The following SAMD8 variants were observed in gnomAD, a reference collection of about 807,000 sequenced individuals.
SAMD8 encodes the protein sphingomyelin synthase-related protein 1.
Under a neutral mutation model 42.0 loss-of-function variants are expected in SAMD8, and 20 were observed. That is an observed-to-expected ratio of 0.48 (90% CI 0.34 to 0.69). SAMD8 has a LOEUF of 0.69. Among genes scored for constraint, SAMD8 ranks in the 30% least tolerant of loss-of-function variants. The probability of loss-of-function intolerance (pLI) is 0.01; values close to 1 mark genes in which losing one functional copy is unlikely to be tolerated. For synonymous variants in SAMD8, 162 were observed against 173.0 expected, an observed-to-expected ratio of 0.94 and a Z score of 0.50; for missense variants, 328 against 511.6, an observed-to-expected ratio of 0.64 and a Z score of 3.46.
intron 1 of SAMD8, among the ~76,000 whole-genome samples, chr10:75,100,409 A>G (rs1420755298): frequency 6.6e-6 from 1 of 152,156 alleles, no homozygotes; most frequent in Non-Finnish European, 1.5e-5. Context: ...AGTCAGAGTC[A>G]GGCCCGGCCA....
chr10:75,101,302 C>G (rs1848142104), intron 1 of SAMD8, among the ~76,000 whole-genome samples: 1 of 152,200 alleles, frequency 6.6e-6, no homozygotes, highest in Non-Finnish European at 1.5e-5. Flanking sequence ...GCACCTCCCA[C>G]AGGGTCTGTC....
chr10:75,169,188 A>AC (rs1265218761), intron 4 of SAMD8, among the ~76,000 whole-genome samples: 2 of 121,116 alleles, frequency 1.7e-5, no homozygotes, highest in African/African-American at 6.3e-5. Flanking sequence ...AAAAAAAAAA[A>AC]AAAAAGTTTT....
chr10:75,113,416 G>A (rs1848815779), intron 1 of SAMD8, among the ~76,000 whole-genome samples: 1 of 148,396 alleles, frequency 6.7e-6, no homozygotes, highest in Non-Finnish European at 1.5e-5. Context: ...ACAGAGATTC[G>A]CTGTGTTGCC....
At chr10:75,135,453 CA>C (rs151099768) in intron 1 of SAMD8, among the ~76,000 whole-genome samples, 47,832 of 117,128 alleles carry the variant, frequency 0.41, 8,181 homozygotes, top group East Asian at 0.65. Flanking sequence ...AATTCCATCT[CA>C]AAAAAAAAAA....
chr10:75,100,132 T>G (rs1848059460), intron 1 of SAMD8, among the ~76,000 whole-genome samples: 1 of 152,072 alleles, frequency 6.6e-6, no homozygotes, highest in African/African-American at 2.4e-5. Flanking sequence ...TGGTGGCCAA[T>G]GGGTGTGTCA....
intron 2 of SAMD8, among the ~76,000 whole-genome samples, chr10:75,160,370 T>TC (rs1840530090): frequency 6.6e-6 from 1 of 151,744 alleles, no homozygotes; most frequent in Non-Finnish European, 1.5e-5. Context: ...CTAATTTTTT[T>TC]TTTTTTTTGT....
intron 2 of SAMD8, among the ~76,000 whole-genome samples, chr10:75,154,662 G>C (rs752025116): frequency 1.0e-4 from 12 of 119,266 alleles, no homozygotes; most frequent in Non-Finnish European, 1.5e-4. Context: ...TCTAGTTGTT[G>C]TATTGAGAAT....
chr10:75,106,634 C>T (rs933337890), intron 1 of SAMD8, among the ~76,000 whole-genome samples: 1 of 152,252 alleles, frequency 6.6e-6, no homozygotes, highest in African/African-American at 2.4e-5. Context: ...GAGCCCTCCA[C>T]ACTGGCCCAC....
chr10:75,108,157 G>T (rs1335287524), upstream of SAMD8: 3 of 1,612,722 alleles, frequency 1.9e-6, no homozygotes, highest in Non-Finnish European at 2.5e-6. Context: ...GCGGCGTTCA[G>T]CACGTGGGTG....
upstream of SAMD8, among the ~76,000 whole-genome samples, chr10:75,108,760 G>A (rs1249759707): frequency 6.6e-6 from 1 of 152,114 alleles, no homozygotes; most frequent in Non-Finnish European, 1.5e-5. Context: ...AGTTGTCCTG[G>A]AAATGTTTCC....
chr10:75,134,522 C>A (rs995173265), intron 1 of SAMD8, among the ~76,000 whole-genome samples: 5 of 152,020 alleles, frequency 3.3e-5, no homozygotes, highest in African/African-American at 4.8e-5. Flanking sequence ...GTAATCCCAG[C>A]TACTTGGGAG....
intron 1 of SAMD8, among the ~76,000 whole-genome samples, chr10:75,114,644 T>C (rs1848837038): frequency 6.6e-6 from 1 of 152,222 alleles, no homozygotes; most frequent in African/African-American, 2.4e-5. Context: ...GTATTATTAT[T>C]GTTTTATAAG....
chr10:75,149,188 T>G (rs1840221946), intron 1 of SAMD8, among the ~76,000 whole-genome samples: 1 of 152,204 alleles, frequency 6.6e-6, no homozygotes, highest in Admixed American at 6.5e-5. Context: ...GAAATAGTGT[T>G]TTTTTCCATG....
At chr10:75,116,977 T>C (rs1170920269) in intron 1 of SAMD8, among the ~76,000 whole-genome samples, 1 of 152,000 alleles carries the variant, frequency 6.6e-6, no homozygotes, top group Non-Finnish European at 1.5e-5. Context: ...GCTCGGCTAA[T>C]TTTTTGTGTT....
chr10:75,109,440 T>C (rs924514479), upstream of SAMD8, among the ~76,000 whole-genome samples: 1 of 152,096 alleles, frequency 6.6e-6, no homozygotes, highest in Non-Finnish European at 1.5e-5. Context: ...CTCAGAGAAT[T>C]TGAGGATTAG....
intron 1 of SAMD8, among the ~76,000 whole-genome samples, chr10:75,141,696 C>T (rs547580958): frequency 1.3e-5 from 2 of 151,888 alleles, no homozygotes; most frequent in Non-Finnish European, 2.9e-5. Flanking sequence ...TGCCTGCCAC[C>T]ATGCCCGGCT....
intron 1 of SAMD8, among the ~76,000 whole-genome samples, chr10:75,134,276 C>T (rs1238930020): frequency 6.6e-6 from 1 of 152,134 alleles, no homozygotes; most frequent in South Asian, 2.1e-4. Context: ...TGCAGCAAAC[C>T]ACCATGGCAC....
At chr10:75,143,159 T>C (rs1840060320) in intron 1 of SAMD8, among the ~76,000 whole-genome samples, 1 of 152,006 alleles carries the variant, frequency 6.6e-6, no homozygotes, top group Non-Finnish European at 1.5e-5. Context: ...ATACAAAAAT[T>C]AGCCTGGTGC....
chr10:75,157,876 A>C (rs1840449640), intron 2 of SAMD8, among the ~76,000 whole-genome samples: 1 of 152,000 alleles, frequency 6.6e-6, no homozygotes, highest in South Asian at 2.1e-4. Context: ...GGAAAGAAGT[A>C]AGGCCGGGCG....
Sources: allele counts gnomAD v4.1 joint callset (sites outside exome capture counted in the v4.1 genomes callset), GRCh38; gene constraint gnomAD v4.1.1; transcripts MANE v1.5; gene names NCBI Gene and HGNC (gene_info 2026-07-23, HGNC 2026-07-21).